POC1B: variants seen among roughly 807,000 people sequenced by gnomAD.
The protein encoded by POC1B is POC1 centriolar protein B, also known as POC1 centriolar protein homolog B.
A neutral mutation model predicts 60.6 loss-of-function variants in POC1B; 44 were observed. The observed-to-expected ratio is 0.73, with a 90% CI of 0.57 to 0.93. The LOEUF (loss-of-function observed/expected upper bound fraction) is 0.93. POC1B is among the 40% of genes least tolerant of loss of function. The probability of loss-of-function intolerance (pLI) is 0.00; values close to 1 mark genes in which losing one functional copy is unlikely to be tolerated. For missense variants in POC1B, 555 were observed against 572.3 expected, an observed-to-expected ratio of 0.97 and a Z score of 0.31; for synonymous variants, 180 against 198.9, an observed-to-expected ratio of 0.90 and a Z score of 0.80.
downstream of POC1B, among the ~76,000 whole-genome samples, chr12:89,417,259 A>G (rs557568781): frequency 6.6e-6 from 1 of 152,350 alleles, no homozygotes; most frequent in South Asian, 2.1e-4. Flanking sequence ...TATGTAAGCA[A>G]ACTGAAACCT....
At chr12:89,469,245 C>CT (rs1882798219) in intron 7 of POC1B, among the ~76,000 whole-genome samples, 1 of 151,974 alleles carries the variant, frequency 6.6e-6, no homozygotes, top group Admixed American at 6.6e-5. Context: ...GGGTGACAGA[C>CT]TAAGAATCCA....
intron 10 of POC1B, among the ~76,000 whole-genome samples, chr12:89,436,769 A>T (rs543776642): frequency 6.6e-6 from 1 of 152,238 alleles, no homozygotes; most frequent in South Asian, 2.1e-4. Flanking sequence ...GCATTCTTTT[A>T]ATGATGCCTC....
rs1215937771 is a variant in POC1B at position 89,420,386 on chromosome 12, A to G, written c.*767T>C. ...TTTTGTATCACTCTGACTTTTTAGC[A>G]TACTGAAAACACACTAACATAATTT... is the stretch of plus-strand genomic sequence containing the variant. On this transcript the variant is annotated 3_prime_UTR_variant, in exon 12 of 12. Transcript: ENST00000313546. The G allele has an allele frequency of 1.3e-5, 2 of 152,206 alleles. No individual in the cohort carries two copies. The highest frequency in any genetic ancestry group is 3.8e-4 in the East Asian group (2 of 5,202). The allele number at this position is 152,206 out of a possible 1,614,324, so 9.4% of individuals were successfully genotyped here.
the POC1B span, among the ~76,000 whole-genome samples, chr12:89,401,966 G>A: frequency 2.0e-5 from 3 of 152,180 alleles, no homozygotes; most frequent in African/African-American, 7.2e-5. Flanking sequence ...TCAAAGTACA[G>A]TGCTTTCATG....
intron 4 of POC1B, among the ~76,000 whole-genome samples, chr12:89,479,699 C>T (rs761030041): frequency 2.2e-4 from 33 of 151,266 alleles, no homozygotes; most frequent in Admixed American, 3.3e-4. Flanking sequence ...ATAGAAAGTA[C>T]TGGGCACCGA....
At chr12:89,495,184 A>G (rs1023590243) in intron 3 of POC1B, among the ~76,000 whole-genome samples, 9 of 152,238 alleles carry the variant, frequency 5.9e-5, no homozygotes, top group African/African-American at 2.2e-4. Flanking sequence ...TGACTCAGTG[A>G]GCTTTTAGCT....
chr12:89,505,306 C>T (rs1869840247), intron 2 of POC1B, among the ~76,000 whole-genome samples: 2 of 152,160 alleles, frequency 1.3e-5, no homozygotes, highest in Admixed American at 1.3e-4. Flanking sequence ...GTATTTGATT[C>T]AGCAATTCCA....
chr12:89,459,621 A>AAAC lies in POC1B; in HGVS notation c.1113+16_1113+17insGTT. The AAAC allele has an allele frequency of 1.5e-6, 2 of 1,376,360 alleles. No homozygotes were observed. The highest frequency in any genetic ancestry group is 9.8e-7 in the Non-Finnish European group (1 of 1,017,964). The allele number at this position is 1,376,360 out of a possible 1,614,324, so 85.3% of individuals were successfully genotyped here. A position where few individuals can be genotyped will look rare whatever the true frequency, so the allele number is the denominator to read the frequency against. On this transcript the variant is annotated intron_variant, in intron 10 of 11. Transcript: ENST00000313546. The stretch of plus-strand genomic sequence containing the variant: ...TGCCACTTAAGTGTCAAAAAAAAAA[A>AAAC]AAAAAACCCGACTTACTGTGGTAGA...
intron 2 of POC1B, among the ~76,000 whole-genome samples, chr12:89,510,198 T>C (rs896110409): frequency 1.3e-5 from 2 of 152,162 alleles, no homozygotes; most frequent in African/African-American, 4.8e-5. Context: ...TGGCTCCTTT[T>C]TGTTCTTGTA....
intron 10 of POC1B, among the ~76,000 whole-genome samples, chr12:89,432,359 C>T (rs1364460838): frequency 1.5e-5 from 2 of 136,000 alleles, no homozygotes; most frequent in Non-Finnish European, 3.0e-5. Flanking sequence ...GTACTTCCAG[C>T]CTGGGCAACG....
At chr12:89,497,070 G>C in intron 3 of POC1B, 101 bp downstream of exon 3, 1 of 1,212,594 alleles carries the variant, frequency 8.2e-7, no homozygotes. Flanking sequence ...ATGTGACTGA[G>C]AATAACAGTG....
the POC1B span, among the ~76,000 whole-genome samples, chr12:89,408,864 C>T: frequency 1.3e-5 from 2 of 152,184 alleles, no homozygotes; most frequent in African/African-American, 4.8e-5. Flanking sequence ...TTGCATTTCT[C>T]TAATGACCAG....
chr12:89,508,466 A>C (rs1362660544), intron 2 of POC1B, among the ~76,000 whole-genome samples: 1 of 152,202 alleles, frequency 6.6e-6, no homozygotes, highest in East Asian at 1.9e-4. Flanking sequence ...GAATATCACA[A>C]AAGTTATGTT....
chr12:89,491,174 T>G (rs1260616445), intron 4 of POC1B, among the ~76,000 whole-genome samples: 1 of 152,080 alleles, frequency 6.6e-6, no homozygotes, highest in Non-Finnish European at 1.5e-5. Context: ...AGGCTCTGCC[T>G]CAGGGCTTCT....
chr12:89,451,691 G>C (rs1315264112), intron 10 of POC1B, among the ~76,000 whole-genome samples: 1 of 152,184 alleles, frequency 6.6e-6, no homozygotes, highest in Non-Finnish European at 1.5e-5. Context: ...TACATAGTGT[G>C]ACAGCATAAA....
chr12:89,443,344 T>C (rs1470545002), intron 10 of POC1B, among the ~76,000 whole-genome samples: 1 of 152,236 alleles, frequency 6.6e-6, no homozygotes, highest in African/African-American at 2.4e-5. Context: ...ATTGACCATA[T>C]AGTTGGAAGT....
intron 9 of POC1B, 57 bp from the exon 10 acceptor site, chr12:89,459,775 C>G (rs1224343248): frequency 2.0e-6 from 2 of 1,021,218 alleles, no homozygotes; most frequent in Non-Finnish European, 1.4e-6. Context: ...AAACCAAATA[C>G]TATTTGTAAA....
At chr12:89,449,267 T>A (rs10858863) in intron 10 of POC1B, among the ~76,000 whole-genome samples, 79,462 of 151,940 alleles carry the variant, frequency 0.52, 21,159 homozygotes, top group African/African-American at 0.61. Context: ...ATTTGTGGAA[T>A]GTGAGAATCT....
chr12:89,440,261 G>A (rs1881455839), intron 10 of POC1B, among the ~76,000 whole-genome samples: 1 of 152,170 alleles, frequency 6.6e-6, no homozygotes, highest in South Asian at 2.1e-4. Context: ...CACTCATTTG[G>A]GGTCTGCAGA....
Sources: gnomAD v4.1 joint callset for allele counts (sites outside exome capture counted in the v4.1 genomes callset) on GRCh38, gnomAD v4.1.1 for gene constraint, MANE v1.5 for transcripts, NCBI Gene and HGNC (gene_info 2026-07-23, HGNC 2026-07-21) for gene names.